AHDC1: variants seen among roughly 807,000 people sequenced by gnomAD.
AHDC1 encodes transcription factor Gibbin.
AHDC1 carries 7 observed loss-of-function variants against 87.9 expected under a neutral mutation model. The observed-to-expected ratio is 0.08, with a 90% confidence interval of 0.05 to 0.15. The LOEUF (loss-of-function observed/expected upper bound fraction) is 0.15. Among genes scored for constraint, AHDC1 ranks in the 10% least tolerant of loss-of-function variants. AHDC1 has a pLI of 1.00. For missense variants in AHDC1, 1,841 were observed against 2,253.2 expected, an observed-to-expected ratio of 0.82 and a Z score of 3.70; for synonymous variants, 1,051 against 1,006.8, an observed-to-expected ratio of 1.04 and a Z score of -0.83.
chr1:27,580,830 A>G (rs1030409825), intron 3 of AHDC1, among the ~76,000 whole-genome samples: 2 of 151,920 alleles, frequency 1.3e-5, no homozygotes, highest in African/African-American at 4.8e-5. Flanking sequence ...ATTTTAACCA[A>G]CCAAAAACTT....
chr1:27,569,493 T>C (rs1209867326), intron 3 of AHDC1, among the ~76,000 whole-genome samples: 1 of 152,076 alleles, frequency 6.6e-6, no homozygotes, highest in Non-Finnish European at 1.5e-5. Flanking sequence ...CACACACAAC[T>C]GCAGACAGCA....
At chr1:27,569,545 A>C (rs1454723540) in intron 3 of AHDC1, among the ~76,000 whole-genome samples, 1 of 152,042 alleles carries the variant, frequency 6.6e-6, no homozygotes, top group East Asian at 1.9e-4. Context: ...CTCCACCCCA[A>C]ACATACCTCG....
intron 3 of AHDC1, among the ~76,000 whole-genome samples, chr1:27,559,945 T>C (rs1409678973): frequency 1.3e-5 from 2 of 152,364 alleles, no homozygotes; most frequent in East Asian, 3.9e-4. Context: ...CTCAGCTGTC[T>C]GGGTAAATAT....
rs2019929196 is a variant in AHDC1, at chr1:27,558,571, T to C, written c.-450-41A>G. 2.5e-6 allele frequency: 1 copy of C among 396,282 alleles called. No individual in the cohort carries two copies. Among genetic ancestry groups the C allele is most frequent in the Non-Finnish European group, 4.4e-6 (1 of 225,236 alleles). 24.5% of individuals were successfully genotyped at this position (396,282 alleles called of 1,614,324 possible). ...TTTGAGTAAATGTTGGGTTAATATG[T>C]TTTGATTCTGTAAAGAAGCTCTTTT... On this transcript the variant is annotated intron_variant, in intron 4 of 8. Coordinates refer to ENST00000673934, the MANE Select transcript of AHDC1 (RefSeq NM_001371928.1). The surrounding 1 kb of genome is among the most constrained non-coding windows in gnomAD (Gnocchi z 5.6).
intron 5 of AHDC1, among the ~76,000 whole-genome samples, chr1:27,557,889 A>C (rs745314757): frequency 1.3e-5 from 2 of 152,184 alleles, no homozygotes; most frequent in Non-Finnish European, 2.9e-5. Context: ...ATGTGCACGG[A>C]AGGACAGAGC....
chr1:27,551,155 G>T lies in AHDC1; in HGVS notation c.961C>A (p.Pro321Thr). Residue 321 changes from proline (P) to threonine (T), a missense_variant, in exon 8 of 9, where the codon CCT becomes ACT. Transcript: ENST00000673934. ...AGCAGCTGCGACTCCAAGGAGTCAGGCAGGGTGTCCAGGGCCTGGAGAGCC... is the reference window on the plus strand; with the variant it reads ...AGCAGCTGCGACTCCAAGGAGTCAGTCAGGGTGTCCAGGGCCTGGAGAGCC... Reference protein sequence around the residue: ...GLALQALDTLPDSLESQLLDP... With the variant: ...GLALQALDTLTDSLESQLLDP... 6.2e-7 allele frequency: 1 copy of T among 1,606,640 alleles called. No homozygotes were observed.
chr1:27,535,775 T>C (rs993853440), intron 8 of AHDC1, among the ~76,000 whole-genome samples: 33 of 152,176 alleles, frequency 2.2e-4, no homozygotes, highest in Admixed American at 8.5e-4. Flanking sequence ...AGATTGGAAG[T>C]ACCCCTTTTT....
chr1:27,577,950 A>G (rs768874847), intron 3 of AHDC1, among the ~76,000 whole-genome samples: 4 of 152,218 alleles, frequency 2.6e-5, no homozygotes, highest in African/African-American at 4.8e-5. Context: ...TCCCCAGCCC[A>G]CAGCCCAGAT....
At chr1:27,575,854 C>CG (rs1455445466) in intron 3 of AHDC1, among the ~76,000 whole-genome samples, 2 of 145,224 alleles carry the variant, frequency 1.4e-5, no homozygotes, top group Admixed American at 1.4e-4. Context: ...TCCTGGCCCC[C>CG]GGCCCGCCAG....
rs201003206 is a variant in AHDC1 at position 27,551,552 on chromosome 1, G to C, written c.564C>G (p.Ala188=). 4.0e-5 allele frequency: 65 copies of C among 1,607,670 alleles called. No homozygotes were observed. Among genetic ancestry groups the C allele is most frequent in the Non-Finnish European group, 5.1e-5 (60 of 1,176,256 alleles). ...GGGGATGGCTGGGCCGCTCCGACTTGGCGTGTGGGGTGGCCCGCTCCTCAG... is the reference window on the plus strand; with the variant it reads ...GGGGATGGCTGGGCCGCTCCGACTTCGCGTGTGGGGTGGCCCGCTCCTCAG... The part of the protein sequence containing the change: ...RSPEERATPH[A]KSERPSHPLY... The change falls in exon 8 of 9, where the codon GCC becomes GCG. Residue 188 remains alanine, a synonymous_variant. Coordinates refer to ENST00000673934, the MANE Select transcript of AHDC1 (RefSeq NM_001371928.1).
At chr1:27,536,206 C>T (rs752381503) in intron 8 of AHDC1, among the ~76,000 whole-genome samples, 11 of 152,364 alleles carry the variant, frequency 7.2e-5, no homozygotes, top group African/African-American at 2.4e-4. Context: ...TGCTCAGCCT[C>T]GGCTGCTGTC....
At position 27,550,843 on chromosome 1, in the gene AHDC1, C is replaced by T. The variant is rs765136490; in HGVS notation, c.1273G>A (p.Ala425Thr). Residue 425 changes from alanine (A) to threonine (T), a missense_variant, in exon 8 of 9, where the codon GCC becomes ACC. Around this residue, in one of 13 missense-constraint regions of AHDC1, gnomAD observed 370 missense variants for 391.5 expected, o/e 0.95. Transcript: ENST00000673934. Reference protein sequence around the residue: ...PLPMPTGLVAALAEPPPPPPP... With the variant: ...PLPMPTGLVATLAEPPPPPPP... ...GGTGGTGGTGGGGGTTCGGCCAGGG[C>T]AGCCACCAGCCCCGTGGGCATAGGC... is the stretch of plus-strand genomic sequence containing the variant. 1.7e-5 allele frequency: 26 copies of T among 1,568,738 alleles called. No individual in the cohort carries two copies. Among genetic ancestry groups the T allele is most frequent in the Non-Finnish European group, 2.2e-5 (26 of 1,160,200 alleles).
rs748212979 is a variant in AHDC1, at chr1:27,550,132, C to G, written c.1984G>C (p.Val662Leu). The change falls in exon 8 of 9, where the codon GTG becomes CTG. Residue 662 changes from valine to leucine, a missense_variant. Around this residue, in one of 13 missense-constraint regions of AHDC1, gnomAD observed 236 missense variants for 257.9 expected, o/e 0.92. Transcript: ENST00000673934. Reference protein sequence around the residue: ...TQSISHFLHRVQGFRRRGGKA... With the variant: ...TQSISHFLHRLQGFRRRGGKA... ...CCCCCACGCCGCCGGAAGCCCTGCACACGATGCAGGAAGTGGGAGATGCTC... is the reference window on the plus strand; with the variant it reads ...CCCCCACGCCGCCGGAAGCCCTGCAGACGATGCAGGAAGTGGGAGATGCTC... 1 of 1,610,676 alleles carries G rather than the reference C, an allele frequency of 6.2e-7. No homozygotes were observed. Among genetic ancestry groups the G allele is most frequent in the Non-Finnish European group, 8.5e-7 (1 of 1,179,924 alleles).
intron 3 of AHDC1, among the ~76,000 whole-genome samples, chr1:27,576,110 G>A (rs1056022473): frequency 1.3e-5 from 2 of 152,016 alleles, no homozygotes; most frequent in African/African-American, 4.8e-5. Context: ...AGAGAGCACT[G>A]GCGGCCCGGC....
At chr1:27,602,245 C>T (rs935355365) in intron 3 of AHDC1, among the ~76,000 whole-genome samples, 4 of 151,974 alleles carry the variant, frequency 2.6e-5, no homozygotes, top group African/African-American at 9.7e-5. Flanking sequence ...CCAGGGTCTG[C>T]GGTAGAGAAT....
chr1:27,561,803 C>T lies in AHDC1; in HGVS notation c.-628-2920G>A, dbSNP rs1393468589. ...GGGGAGAGAAACAGAGACAGAGAGA[C>T]AGAGAAAGACAGAAACTGGAAGACG... On this transcript the variant is annotated intron_variant, in intron 3 of 8. Transcript: ENST00000673934. This position sits in a 1 kb window ranked among gnomAD's most constrained non-coding sequence, Gnocchi z 4.2. 6.6e-6 allele frequency among the ~76,000 whole-genome samples: 1 copy of T among 151,874 alleles called. No homozygotes were observed. Among genetic ancestry groups the T allele is most frequent in the Non-Finnish European group, 1.5e-5 (1 of 67,964 alleles).
chr1:27,551,624 C>T lies in AHDC1; in HGVS notation c.492G>A (p.Gln164=). Residue 164 remains glutamine, a synonymous_variant, in exon 8 of 9, where the codon CAG becomes CAA. Coordinates refer to ENST00000673934, the MANE Select transcript of AHDC1 (RefSeq NM_001371928.1). ...AACTGGGTGAGGAGAAGAAGCTGTA[C>T]TGTAGGTCGCCGGGTGGCGGTGCAG... ...RPPAPPPGDL[Q]YSFFSSPSLA... The T allele has an allele frequency of 2.5e-6, 4 of 1,613,512 alleles. No individual in the cohort carries two copies. Among genetic ancestry groups the T allele is most frequent in the Non-Finnish European group, 3.4e-6 (4 of 1,179,634 alleles).
At chr1:27,555,926 CT>C (rs1285149495) in intron 5 of AHDC1, among the ~76,000 whole-genome samples, 5 of 152,188 alleles carry the variant, frequency 3.3e-5, no homozygotes, top group African/African-American at 1.2e-4. Context: ...CCTCCAGGAT[CT>C]GAGGGAAACA....
chr1:27,591,225 GA>G (rs981767847), intron 3 of AHDC1, among the ~76,000 whole-genome samples: 1 of 152,142 alleles, frequency 6.6e-6, no homozygotes, highest in African/African-American at 2.4e-5. Context: ...CACCCTCCTA[GA>G]AGCTGGGTGC....
Sources: gnomAD v4.1 joint callset for allele counts (sites outside exome capture counted in the v4.1 genomes callset) on GRCh38, gnomAD v4.1.1 for gene constraint, gnomAD v4.1.1 regional missense constraint, Gnocchi (gnomAD v3.1) non-coding constraint, MANE v1.5 for transcripts, NCBI Gene and HGNC (gene_info 2026-07-23, HGNC 2026-07-21) for gene names.